Variants in RGL1 observed in about 807,000 individuals in gnomAD.
RGL1 encodes the protein ral guanine nucleotide dissociation stimulator like 1.
A neutral mutation model predicts 95.2 loss-of-function variants in RGL1; 24 were observed. The ratio of observed to expected loss-of-function variants is 0.25; its 90% CI spans 0.18 to 0.35. The LOEUF is 0.35. Among genes scored for constraint, RGL1 ranks in the 10% least tolerant of loss-of-function variants. RGL1 has a pLI of 1.00. For synonymous variants in RGL1, 329 were observed against 344.9 expected (o/e 0.95, Z 0.51); for missense variants, 715 against 936.3 (o/e 0.76, Z 3.08).
intron 14 of RGL1, among the ~76,000 whole-genome samples, chr1:183,907,547 G>A (rs1158510721): frequency 6.6e-6 from 1 of 152,168 alleles, no homozygotes; most frequent in Non-Finnish European, 1.5e-5. Context: ...ATTGCCCTCT[G>A]TTCACCAGTG....
At chr1:183,663,181 G>A (rs1422016705) in intron 1 of RGL1, among the ~76,000 whole-genome samples, 1 of 151,754 alleles carries the variant, frequency 6.6e-6, no homozygotes, top group Non-Finnish European at 1.5e-5. Flanking sequence ...AACACCAAAA[G>A]CAATGGCAAC....
chr1:183,805,072 G>A (rs1661190163), upstream of RGL1: 1 of 409,348 alleles, frequency 2.4e-6, no homozygotes, highest in Non-Finnish European at 4.3e-6. Flanking sequence ...GAGTGGCGTG[G>A]GGAGGAGTCT....
intron 2 of RGL1, among the ~76,000 whole-genome samples, chr1:183,768,593 C>T (rs1033605924): frequency 2.6e-5 from 4 of 151,162 alleles, no homozygotes; most frequent in Non-Finnish European, 4.4e-5. Flanking sequence ...CTTAGCCTCC[C>T]GAGTAGCTGG....
At chr1:183,916,055 G>T (rs753234861) in intron 15 of RGL1, among the ~76,000 whole-genome samples, 2 of 152,234 alleles carry the variant, frequency 1.3e-5, no homozygotes, top group Non-Finnish European at 2.9e-5. Flanking sequence ...AAATCTGACT[G>T]CAGTAGGACT....
At chr1:183,652,605 A>T (rs561255886) in intron 1 of RGL1, among the ~76,000 whole-genome samples, 1 of 152,172 alleles carries the variant, frequency 6.6e-6, no homozygotes, top group Non-Finnish European at 1.5e-5. Context: ...ATTCTCCCCA[A>T]CCAGGTGGAA....
chr1:183,692,318 G>A (rs532524745), intron 1 of RGL1, among the ~76,000 whole-genome samples: 9 of 152,332 alleles, frequency 5.9e-5, no homozygotes, highest in African/African-American at 1.9e-4. Flanking sequence ...TTACTTGGAG[G>A]ATCCAGAAGT....
intron 2 of RGL1, among the ~76,000 whole-genome samples, chr1:183,768,594 G>A (rs189475646): frequency 8.1e-4 from 118 of 146,240 alleles, no homozygotes; most frequent in African/African-American, 2.2e-3. Flanking sequence ...TTAGCCTCCC[G>A]AGTAGCTGGG....
At chr1:183,708,074 G>T (rs1655029041) in intron 1 of RGL1, among the ~76,000 whole-genome samples, 1 of 152,160 alleles carries the variant, frequency 6.6e-6, no homozygotes, top group South Asian at 2.1e-4. Flanking sequence ...TGTTCCATTT[G>T]TGGGCCATTT....
intron 7 of RGL1, 128 bp from the exon 8 acceptor site, chr1:183,888,346 A>G (rs951299130): frequency 6.2e-6 from 4 of 649,544 alleles, no homozygotes; most frequent in East Asian, 2.6e-5. Flanking sequence ...GATGTTCACT[A>G]TTTATACAGC....
intron 8 of RGL1, among the ~76,000 whole-genome samples, chr1:183,890,046 A>C (rs1049749403): frequency 1.3e-5 from 2 of 152,146 alleles, no homozygotes; most frequent in Admixed American, 1.3e-4. Flanking sequence ...ATGCGATGGG[A>C]AAATCAGAAG....
intron 1 of RGL1, among the ~76,000 whole-genome samples, chr1:183,715,813 G>A (rs529608991): frequency 6.6e-6 from 1 of 152,198 alleles, no homozygotes; most frequent in Admixed American, 6.5e-5. Flanking sequence ...ATAAGGAATT[G>A]GCTCATGTGG....
chr1:183,833,194 A>C (rs1228243232), intron 2 of RGL1, among the ~76,000 whole-genome samples: 3 of 152,200 alleles, frequency 2.0e-5, no homozygotes, highest in Non-Finnish European at 4.4e-5. Context: ...AATCACCCTC[A>C]TAACATCAAG....
intron 2 of RGL1, among the ~76,000 whole-genome samples, chr1:183,812,823 A>T (rs1415501118): frequency 1.3e-5 from 2 of 152,150 alleles, no homozygotes; most frequent in Admixed American, 1.3e-4. Flanking sequence ...GGAGGCCTGA[A>T]ATGAGACTTC....
intron 3 of RGL1, among the ~76,000 whole-genome samples, chr1:183,865,035 T>G (rs1665743160): frequency 6.6e-6 from 1 of 152,208 alleles, no homozygotes; most frequent in Admixed American, 6.5e-5. Flanking sequence ...TACTCACTTG[T>G]GAAACCCCAA....
At chr1:183,890,133 A>G (rs1667333395) in intron 8 of RGL1, among the ~76,000 whole-genome samples, 1 of 152,158 alleles carries the variant, frequency 6.6e-6, no homozygotes, top group South Asian at 2.1e-4. Flanking sequence ...CAACTGTAGT[A>G]TAGTATCAAA....
intron 3 of RGL1, among the ~76,000 whole-genome samples, chr1:183,864,122 A>G (rs183719504): frequency 2.0e-5 from 3 of 152,344 alleles, no homozygotes; most frequent in Admixed American, 1.3e-4. Flanking sequence ...AAGCAAAGAT[A>G]AAGAATAGAG....
intron 1 of RGL1, among the ~76,000 whole-genome samples, chr1:183,640,272 G>A (rs1649836916): frequency 6.6e-6 from 1 of 152,148 alleles, no homozygotes; most frequent in African/African-American, 2.4e-5. Flanking sequence ...GTATTGTTTT[G>A]AGAGCATTTT....
intron 2 of RGL1, among the ~76,000 whole-genome samples, chr1:183,838,229 T>A (rs1396880320): frequency 1.3e-5 from 2 of 152,150 alleles, no homozygotes; most frequent in East Asian, 3.8e-4. Flanking sequence ...AAATGGAGAT[T>A]TGTGTTAGAG....
intron 1 of RGL1, among the ~76,000 whole-genome samples, chr1:183,658,206 G>T (rs138951870): frequency 6.6e-6 from 1 of 152,182 alleles, no homozygotes; most frequent in Non-Finnish European, 1.5e-5. Flanking sequence ...GACAGTGGGC[G>T]CAGGACAGTG....
Sources: allele counts gnomAD v4.1 joint callset (sites outside exome capture counted in the v4.1 genomes callset), GRCh38; gene constraint gnomAD v4.1.1; transcripts MANE v1.5; gene names NCBI Gene and HGNC (gene_info 2026-07-23, HGNC 2026-07-21).